Variants in TTC28 observed in about 807,000 individuals in gnomAD.
TTC28 encodes the protein tetratricopeptide repeat protein 28.
A neutral mutation model predicts 198.0 loss-of-function variants in TTC28; 61 were observed. That is an observed-to-expected ratio of 0.31 (90% CI 0.25 to 0.38). The LOEUF (loss-of-function observed/expected upper bound fraction) is 0.38, where lower values mean the gene tolerates loss of function less well. Among genes scored for constraint, TTC28 ranks in the 10% least tolerant of loss-of-function variants. The probability of loss-of-function intolerance (pLI) is 1.00; values close to 1 mark genes in which losing one functional copy is unlikely to be tolerated. For missense variants in TTC28, 2,678 were observed against 3,164.0 expected (o/e 0.85, Z 3.69); for synonymous variants, 1,171 against 1,297.8 (o/e 0.90, Z 2.10).
At chr22:28,111,079 T>C (rs1486309101) in intron 6 of TTC28, among the ~76,000 whole-genome samples, 2 of 152,286 alleles carry the variant, frequency 1.3e-5, no homozygotes, top group South Asian at 2.1e-4. Context: ...TTTAAACATA[T>C]AGCATAAAAT....
At chr22:28,659,619 T>C (rs1010078377) in intron 1 of TTC28, among the ~76,000 whole-genome samples, 3 of 151,994 alleles carry the variant, frequency 2.0e-5, no homozygotes, top group Admixed American at 1.3e-4. Flanking sequence ...AGAATATGCC[T>C]GGTGTGGTGG....
intron 5 of TTC28, among the ~76,000 whole-genome samples, chr22:28,220,566 C>T (rs934336892): frequency 1.3e-5 from 2 of 152,208 alleles, no homozygotes; most frequent in Admixed American, 6.5e-5. Flanking sequence ...TCAAAGCCAC[C>T]TGAAGTTCTT....
At chr22:28,544,371 A>AGCATTTGAT (rs2145941340) in intron 2 of TTC28, among the ~76,000 whole-genome samples, 1 of 152,360 alleles carries the variant, frequency 6.6e-6, no homozygotes, top group African/African-American at 2.4e-5. Flanking sequence ...TATAAAAGAA[A>AGCATTTGAT]GCATTTGATA....
chr22:28,627,844 C>T (rs1448311882), intron 2 of TTC28, among the ~76,000 whole-genome samples: 1 of 152,144 alleles, frequency 6.6e-6, no homozygotes, highest in Admixed American at 6.5e-5. Context: ...AGCAGCAATA[C>T]TAGAAATTCC....
At chr22:28,386,067 G>C (rs1193908601) in intron 2 of TTC28, among the ~76,000 whole-genome samples, 3 of 151,422 alleles carry the variant, frequency 2.0e-5, no homozygotes, top group Admixed American at 6.6e-5. Context: ...ACGAGGTCAG[G>C]AGATCGAGAC....
At chr22:28,214,688 T>A (rs1269296494) in intron 5 of TTC28, among the ~76,000 whole-genome samples, 1 of 152,260 alleles carries the variant, frequency 6.6e-6, no homozygotes, top group Non-Finnish European at 1.5e-5. Flanking sequence ...TTGGTGGGAC[T>A]GTAAACTAGT....
At chr22:28,026,149 C>T (rs1305198489) in intron 13 of TTC28, among the ~76,000 whole-genome samples, 2 of 152,216 alleles carry the variant, frequency 1.3e-5, no homozygotes, top group Admixed American at 1.3e-4. Context: ...TACTGCCTCT[C>T]CACTTTCAGG....
At chr22:28,191,739 G>A (rs915750910) in intron 5 of TTC28, among the ~76,000 whole-genome samples, 1 of 152,220 alleles carries the variant, frequency 6.6e-6, no homozygotes, top group African/African-American at 2.4e-5. Flanking sequence ...GCGAGGCTGG[G>A]GGAGGGGTGC....
At chr22:28,442,184 C>T (rs558039939) in intron 2 of TTC28, among the ~76,000 whole-genome samples, 155 of 152,254 alleles carry the variant, frequency 1.0e-3, no homozygotes, top group African/African-American at 3.6e-3. Context: ...AGCAAAGTGC[C>T]CCCTCCCCCT....
At chr22:28,450,966 G>A (rs539779948) in intron 2 of TTC28, among the ~76,000 whole-genome samples, 4 of 152,280 alleles carry the variant, frequency 2.6e-5, no homozygotes, top group South Asian at 2.1e-4. Flanking sequence ...AACAGAGCAC[G>A]AGGATCTTGC....
intron 2 of TTC28, among the ~76,000 whole-genome samples, chr22:28,540,721 A>G (rs1013344736): frequency 1.3e-5 from 2 of 152,214 alleles, no homozygotes; most frequent in Non-Finnish European, 2.9e-5. Context: ...AACCTTCAGT[A>G]TCATTTATAG....
intron 5 of TTC28, among the ~76,000 whole-genome samples, chr22:28,273,585 G>A (rs1001258767): frequency 2.1e-4 from 32 of 152,004 alleles, no homozygotes; most frequent in African/African-American, 7.0e-4. Context: ...TAAAAAATCC[G>A]GTACAAAGTA....
intron 21 of TTC28, chr22:27,986,284 A>G (rs1374930883): frequency 1.3e-5 from 2 of 152,438 alleles, no homozygotes; most frequent in Admixed American, 1.3e-4. Flanking sequence ...CCACCTTGTG[A>G]AGAAGGTGCC....
In TTC28 at chr22:27,996,132, T is replaced by A; in HGVS notation, c.5244+3A>T. 2 of 1,548,424 alleles carry A rather than the reference T, an allele frequency of 1.3e-6. No individual in the cohort carries two copies. The highest frequency in any genetic ancestry group is 1.7e-6 in the Non-Finnish European group (2 of 1,146,720). ...TTGAGTGCAGGGTGCCCGACCCCCTTACCAGGTGCAGCAGCACTCGCAGGG... is the reference window on the plus strand; with the variant it reads ...TTGAGTGCAGGGTGCCCGACCCCCTAACCAGGTGCAGCAGCACTCGCAGGG... On this transcript the variant is annotated splice_donor_region_variant and intron_variant, in intron 17 of 22. Coordinates refer to ENST00000397906, the MANE Select transcript of TTC28 (RefSeq NM_001145418.2).
intron 2 of TTC28, among the ~76,000 whole-genome samples, chr22:28,600,288 CCCG>C (rs2050617950): frequency 6.6e-6 from 1 of 152,012 alleles, no homozygotes; most frequent in South Asian, 2.1e-4. Flanking sequence ...GCCTGTAGTC[CCCG>C]CTACCTAAGA....
At chr22:28,441,854 T>C (rs1435877783) in intron 2 of TTC28, among the ~76,000 whole-genome samples, 1 of 62,142 alleles carries the variant, frequency 1.6e-5, no homozygotes, top group Non-Finnish European at 3.3e-5. Flanking sequence ...AGAATGTCAA[T>C]AAAAACCACG....
At chr22:28,214,280 T>C (rs891409600) in intron 5 of TTC28, among the ~76,000 whole-genome samples, 3 of 152,086 alleles carry the variant, frequency 2.0e-5, no homozygotes, top group African/African-American at 7.2e-5. Context: ...AATTGACAAA[T>C]GGGATCTAAT....
Position 28,108,287 on chromosome 22 carries a change from T to C in TTC28, c.1558A>G (p.Met520Val). The C allele has an allele frequency of 6.5e-7, 1 of 1,546,854 alleles. No homozygotes were observed. The highest frequency in any genetic ancestry group is 8.7e-7 in the Non-Finnish European group (1 of 1,143,132). The part of the protein sequence containing the change: ...YAAQGRAYGN[M>V]GNAYNALGMY... ...CCCAGGGCATTGTAGGCATTGCCCATATTCCCATAGGCACGGCCCTGGGCA... is the reference window on the plus strand; with the variant it reads ...CCCAGGGCATTGTAGGCATTGCCCACATTCCCATAGGCACGGCCCTGGGCA... The change falls in exon 7 of 23, where the codon ATG (methionine) becomes GTG (valine). Residue 520 changes from methionine (M) to valine (V), a missense_variant. Met to Val is a conservative substitution (Grantham distance 21). Coordinates refer to ENST00000397906, the MANE Select transcript of TTC28 (RefSeq NM_001145418.2).
intron 5 of TTC28, among the ~76,000 whole-genome samples, chr22:28,264,640 C>A (rs1041346292): frequency 1.3e-5 from 2 of 152,014 alleles, no homozygotes; most frequent in Non-Finnish European, 2.9e-5. Flanking sequence ...CACGCATGCA[C>A]GTGTGGGCGC....
Sources: allele counts gnomAD v4.1 joint callset (sites outside exome capture counted in the v4.1 genomes callset), GRCh38; gene constraint gnomAD v4.1.1; transcripts MANE v1.5; gene names NCBI Gene and HGNC (gene_info 2026-07-23, HGNC 2026-07-21).